The following ABCB10 variants were observed in gnomAD, a reference collection of about 807,000 sequenced individuals.
The protein encoded by ABCB10 is ATP binding cassette subfamily B member 10.
A neutral mutation model predicts 65.4 loss-of-function variants in ABCB10; 54 were observed. The observed-to-expected ratio is 0.83, with a 90% CI of 0.66 to 1.04. The LOEUF (loss-of-function observed/expected upper bound fraction) is 1.04. Ranked by LOEUF, ABCB10 falls within the 50% of genes least tolerant of loss-of-function variation. ABCB10 has a pLI of 0.00. For missense variants in ABCB10, 846 were observed against 976.6 expected (o/e 0.87, Z 1.78); for synonymous variants, 418 against 406.5 (o/e 1.03, Z -0.34).
At chr1:229,548,530 A>C (rs1158684781) in intron 2 of ABCB10, among the ~76,000 whole-genome samples, 1 of 152,212 alleles carries the variant, frequency 6.6e-6, no homozygotes, top group Non-Finnish European at 1.5e-5. Context: ...TCTTCAGAGA[A>C]ATACTAACAA....
chr1:229,550,241 AT>A (rs1167015250), intron 1 of ABCB10, among the ~76,000 whole-genome samples: 1 of 152,154 alleles, frequency 6.6e-6, no homozygotes, highest in Non-Finnish European at 1.5e-5. Context: ...AAGAGAAAAT[AT>A]TGGCTTGGCA....
intron 11 of ABCB10, among the ~76,000 whole-genome samples, chr1:229,521,085 C>T (rs1251151315): frequency 1.3e-5 from 2 of 151,202 alleles, no homozygotes; most frequent in Non-Finnish European, 2.9e-5. Context: ...TTTTTAATCA[C>T]CTATAAGCCT....
intron 4 of ABCB10, 116 bp from the exon 5 acceptor site, chr1:229,540,868 AATAGTG>A: frequency 8.1e-7 from 1 of 1,241,746 alleles, no homozygotes; most frequent in South Asian, 1.6e-5. Context: ...AAAGAAAAGA[AATAGTG>A]ATAGTAAGAA....
intron 2 of ABCB10, among the ~76,000 whole-genome samples, chr1:229,548,002 C>T (rs904855415): frequency 7.1e-6 from 1 of 141,392 alleles, no homozygotes; most frequent in Non-Finnish European, 1.6e-5. Flanking sequence ...TTTATTTTTA[C>T]TTTTTTTTTT....
Position 229,517,668 on chromosome 1 carries a change from ATAGT to A in ABCB10, c.*507_*510del. 1 of 154,048 alleles carries A rather than the reference ATAGT, an allele frequency of 6.5e-6. No homozygotes were observed. Among genetic ancestry groups the A allele is most frequent in the South Asian group, 2.0e-4 (1 of 4,916 alleles). 9.5% of individuals were successfully genotyped at this position (154,048 alleles called of 1,614,324 possible). On this transcript the variant is annotated 3_prime_UTR_variant, in exon 13 of 13. Transcript: ENST00000344517. Reference sequence around the variant, plus strand: ...TTCCCTTCTTTCCAGCTGATGTTAAATAGTTAGGTTTGCTTCATGAGATTATCGG... The same window carrying A: ...TTCCCTTCTTTCCAGCTGATGTTAAATAGGTTTGCTTCATGAGATTATCGG...
intron 1 of ABCB10, among the ~76,000 whole-genome samples, chr1:229,555,581 T>A (rs1272356074): frequency 6.6e-6 from 1 of 152,256 alleles, no homozygotes; most frequent in Non-Finnish European, 1.5e-5. Context: ...TTAGGAGGCA[T>A]ACCCAGCAAA....
At position 229,518,230 on chromosome 1, in the gene ABCB10, T is replaced by C; in HGVS notation, c.2166A>G (p.Pro722=). Residue 722 remains proline (P), a synonymous_variant, in exon 13 of 13, where the codon CCA becomes CCG. Transcript: ENST00000344517. ...YGKHEELLSK[P]NGIYRKLMNK... ...TCATTAGTTTTCTGTATATCCCATT[T>C]GGTTTTGAAAGCAGCTCTTCATGTT... is the stretch of plus-strand genomic sequence containing the variant. 6.2e-7 allele frequency: 1 copy of C among 1,614,236 alleles called. No homozygotes were observed. The highest frequency in any genetic ancestry group is 8.5e-7 in the Non-Finnish European group (1 of 1,180,044).
Position 229,518,842 on chromosome 1 carries a change from T to C in ABCB10, c.1984A>G (p.Ser662Gly). ...CATATATTATTAAGATATCCTCACC[T>C]GGTTGCTTCATCTAGGAGAAGAATT... ...PKILLLDEAT[S>G]ALDAENEYLV... is the part of the protein sequence containing the mutation. Residue 662 changes from serine to glycine, a missense_variant and splice_region_variant, in exon 12 of 13, where the codon AGT becomes GGT. Transcript: ENST00000344517. The C allele has an allele frequency of 6.3e-7, 1 of 1,598,440 alleles. No homozygotes were observed. Among genetic ancestry groups the C allele is most frequent in the Non-Finnish European group, 8.5e-7 (1 of 1,173,970 alleles).
At chr1:229,557,849 T>C (rs1663295917) in intron 1 of ABCB10, among the ~76,000 whole-genome samples, 1 of 152,140 alleles carries the variant, frequency 6.6e-6, no homozygotes. Context: ...ATGCTCCCAC[T>C]AAGTTGGTGG....
chr1:229,558,092 G>C (rs1663303036), intron 1 of ABCB10, 44 bp downstream of exon 1: 1 of 1,311,390 alleles, frequency 7.6e-7, no homozygotes, highest in East Asian at 3.2e-5. Flanking sequence ...CGCGTGTGGA[G>C]AAGGAGAGGC....
In ABCB10 at chr1:229,558,527, C is replaced by T. The variant is rs1663322727; in HGVS notation, c.126G>A (p.Pro42=). 2 of 1,430,042 alleles carry T rather than the reference C, an allele frequency of 1.4e-6. No individual in the cohort carries two copies. Among genetic ancestry groups the T allele is most frequent in the South Asian group, 1.3e-5 (1 of 75,114 alleles). 88.6% of individuals were successfully genotyped at this position (1,430,042 alleles called of 1,614,324 possible). The part of the protein sequence containing the change: ...AASRVPGSLS[P]FTGLRPARLW... ...GCCGCGCCGGCCTCAGGCCAGTGAA[C>T]GGCGATAGGGACCCGGGAACGCGGC... is the stretch of plus-strand genomic sequence containing the variant. The change falls in exon 1 of 13, where the codon CCG becomes CCA. Residue 42 remains proline (P), a synonymous_variant. Coordinates refer to ENST00000344517, the MANE Select transcript of ABCB10 (RefSeq NM_012089.3).
At chr1:229,523,490 C>T (rs1662363665) in intron 10 of ABCB10, among the ~76,000 whole-genome samples, 1 of 152,148 alleles carries the variant, frequency 6.6e-6, no homozygotes, top group African/African-American at 2.4e-5. Context: ...CTAAATGCTG[C>T]TCTAAACAGG....
intron 3 of ABCB10, among the ~76,000 whole-genome samples, chr1:229,542,601 A>G (rs1330891517): frequency 6.6e-6 from 1 of 151,186 alleles, no homozygotes; most frequent in African/African-American, 2.4e-5. Context: ...TGCCACATAG[A>G]AGAAATGTGA....
intron 2 of ABCB10, 67 bp downstream of exon 2, chr1:229,549,167 G>A (rs1031692244): frequency 4.5e-5 from 70 of 1,571,008 alleles, no homozygotes; most frequent in South Asian, 4.4e-4. Flanking sequence ...ATTTGAGCCC[G>A]AACAAACCCA....
In ABCB10 at chr1:229,518,273, T is replaced by C. The variant is rs1662223494; in HGVS notation, c.2123A>G (p.Lys708Arg). Reference protein sequence around the residue: ...ANMVAVLDQGKITEYGKHEEL... With the variant: ...ANMVAVLDQGRITEYGKHEEL... Reference sequence around the variant, plus strand: ...TTCATGTTTTCCATATTCAGTAATTTTTCCTTGGTCAAGAACAGCAACCAT... The same window carrying C: ...TTCATGTTTTCCATATTCAGTAATTCTTCCTTGGTCAAGAACAGCAACCAT... Residue 708 changes from lysine to arginine, a missense_variant, in exon 13 of 13, where the codon AAA becomes AGA. Lys to Arg is a conservative substitution (Grantham distance 26, BLOSUM62 2). This residue lies in a region of ABCB10 where 632 missense variants were observed against 803.2 expected (regional missense o/e 0.79). Transcript: ENST00000344517. 1 of 1,614,220 alleles carries C rather than the reference T, an allele frequency of 6.2e-7. No individual in the cohort carries two copies. The highest frequency in any genetic ancestry group is 8.5e-7 in the Non-Finnish European group (1 of 1,180,038).
intron 8 of ABCB10, among the ~76,000 whole-genome samples, chr1:229,528,950 A>C (rs1377300700): frequency 1.3e-5 from 2 of 152,200 alleles, no homozygotes; most frequent in African/African-American, 4.8e-5. Flanking sequence ...AAGATGTTAT[A>C]ATCCAGTTAA....
In ABCB10 at chr1:229,518,219, T is replaced by C; in HGVS notation, c.2177A>G (p.Tyr726Cys). 6.2e-7 allele frequency: 1 copy of C among 1,614,222 alleles called. No individual in the cohort carries two copies. Among genetic ancestry groups the C allele is most frequent in the South Asian group, 1.1e-5 (1 of 91,078 alleles). Residue 726 changes from tyrosine to cysteine, a missense_variant, in exon 13 of 13, where the codon TAC (tyrosine) becomes TGC (cysteine). This residue lies in a region of ABCB10 where 632 missense variants were observed against 803.2 expected (regional missense o/e 0.79). Transcript: ENST00000344517. ...ACTTTGTTTGTTCATTAGTTTTCTG[T>C]ATATCCCATTTGGTTTTGAAAGCAG... ...EELLSKPNGI[Y>C]RKLMNKQSFI... is the part of the protein sequence containing the mutation.
rs59264291 is a variant in ABCB10, at chr1:229,529,295, C to CAAAAAA, written c.1645+898_1645+903dup. Among the ~76,000 whole-genome samples the CAAAAAA allele has an allele frequency of 1.8e-3, 41 of 23,128 alleles. 2 individuals are homozygous for CAAAAAA. The highest frequency in any genetic ancestry group is 1.9e-3 in the Non-Finnish European group (26 of 13,462). 15.2% of individuals were successfully genotyped at this position (23,128 alleles called of 152,430 possible). On this transcript the variant is annotated intron_variant, in intron 8 of 12. Coordinates refer to ENST00000344517, the MANE Select transcript of ABCB10 (RefSeq NM_012089.3). ...TGGGCAACAGAGCAAGACTCCGTCT[C>CAAAAAA]AAAAAAAAAAAAAAAAAAAAAAAAA... is the stretch of plus-strand genomic sequence containing the variant.
At chr1:229,547,743 A>T (rs766441917) in intron 2 of ABCB10, 42 bp from the exon 3 acceptor site, 241 of 1,594,616 alleles carry the variant, frequency 1.5e-4, no homozygotes, top group Non-Finnish European at 1.8e-4. Context: ...GGGTAAAGAC[A>T]TCCATTACCA....
Sources: allele counts gnomAD v4.1 joint callset (sites outside exome capture counted in the v4.1 genomes callset), GRCh38; gene constraint gnomAD v4.1.1; regional missense constraint gnomAD v4.1.1; transcripts MANE v1.5; gene names NCBI Gene and HGNC (gene_info 2026-07-23, HGNC 2026-07-21).